TMEFF2: variants seen among roughly 807,000 people sequenced by gnomAD.
TMEFF2 encodes transmembrane protein with EGF like and two follistatin like domains 2, also known as tomoregulin-2.
Under a neutral mutation model 53.8 loss-of-function variants are expected in TMEFF2, and 28 were observed. That is an observed-to-expected ratio of 0.52 (90% CI 0.39 to 0.71). TMEFF2 has a LOEUF of 0.71. Among genes scored for constraint, TMEFF2 ranks in the 30% least tolerant of loss-of-function variants. TMEFF2 has a pLI of 0.00. For missense variants in TMEFF2, 353 were observed against 455.2 expected, an observed-to-expected ratio of 0.78 and a Z score of 2.04; for synonymous variants, 162 against 166.3, an observed-to-expected ratio of 0.97 and a Z score of 0.20.
intron 4 of TMEFF2, among the ~76,000 whole-genome samples, chr2:192,083,931 A>G (rs1016920961): frequency 1.3e-5 from 2 of 152,124 alleles, no homozygotes; most frequent in Admixed American, 1.3e-4. Flanking sequence ...AGCTTTTTCT[A>G]TACAAGTCAC....
intron 1 of TMEFF2, among the ~76,000 whole-genome samples, chr2:192,192,608 CA>C (rs1559166580): frequency 6.6e-6 from 1 of 152,186 alleles, no homozygotes; most frequent in Non-Finnish European, 1.5e-5. Flanking sequence ...AACCTATCTG[CA>C]AAACCAGTTT....
chr2:191,969,452 A>C (rs1203349445), intron 7 of TMEFF2, among the ~76,000 whole-genome samples: 1 of 152,186 alleles, frequency 6.6e-6, no homozygotes. Context: ...ACATTCCAGT[A>C]CAAAAAGACT....
At chr2:192,150,892 C>T (rs1347475498) in intron 4 of TMEFF2, among the ~76,000 whole-genome samples, 1 of 151,678 alleles carries the variant, frequency 6.6e-6, no homozygotes, top group African/African-American at 2.4e-5. Flanking sequence ...ATGAGTTTTT[C>T]TCCCTTAGAA....
intron 5 of TMEFF2, among the ~76,000 whole-genome samples, chr2:192,040,067 T>C (rs1430908003): frequency 6.6e-6 from 1 of 152,142 alleles, no homozygotes. Context: ...TCAAAGATAG[T>C]GTCATTTATT....
intron 4 of TMEFF2, among the ~76,000 whole-genome samples, chr2:192,150,279 G>C (rs115606405): frequency 1.3e-5 from 2 of 151,780 alleles, no homozygotes; most frequent in African/African-American, 4.8e-5. Flanking sequence ...TCAGGCTGAC[G>C]TTGACAAAAG....
chr2:191,950,846 A>C (rs1489029144), intron 9 of TMEFF2, among the ~76,000 whole-genome samples: 2 of 152,200 alleles, frequency 1.3e-5, no homozygotes, highest in African/African-American at 4.8e-5. Flanking sequence ...ACCAACTGTT[A>C]ATATCTGATA....
intron 7 of TMEFF2, among the ~76,000 whole-genome samples, chr2:191,973,852 T>C (rs1692724997): frequency 6.6e-6 from 1 of 152,026 alleles, no homozygotes; most frequent in Non-Finnish European, 1.5e-5. Context: ...TATAAGGTGT[T>C]TTTCCCCACC....
intron 4 of TMEFF2, among the ~76,000 whole-genome samples, chr2:192,103,531 A>G (rs1689080909): frequency 6.6e-6 from 1 of 152,082 alleles, no homozygotes; most frequent in Admixed American, 6.6e-5. Flanking sequence ...TAGCCTTCCT[A>G]CTTTATCTTG....
rs370967849 is a variant in TMEFF2, at chr2:191,978,459, T to TA, written c.745+19802dup. Reference sequence around the variant, plus strand: ...AAAATTGCCAAGCATTCAGCCCTATTAAAAAAAAAAAAGCAATTATATTGA... The same window carrying TA: ...AAAATTGCCAAGCATTCAGCCCTATTAAAAAAAAAAAAAGCAATTATATTGA... On this transcript the variant is annotated intron_variant, in intron 7 of 9. Coordinates refer to ENST00000272771, the MANE Select transcript of TMEFF2 (RefSeq NM_016192.4). Among the ~76,000 whole-genome samples, 886 of 143,086 alleles carry TA rather than the reference T, an allele frequency of 6.2e-3. 5 individuals are homozygous for TA. Among genetic ancestry groups the TA allele is most frequent in the African/African-American group, 0.02 (779 of 39,222 alleles). 93.9% of individuals were successfully genotyped at this position (143,086 alleles called of 152,430 possible).
At chr2:192,136,545 G>A (rs1368971467) in intron 4 of TMEFF2, among the ~76,000 whole-genome samples, 2 of 152,134 alleles carry the variant, frequency 1.3e-5, no homozygotes, top group Admixed American at 6.5e-5. Flanking sequence ...TAAATTGAGT[G>A]TATAGTAGTA....
At chr2:192,190,355 G>C (rs1691432652) in intron 2 of TMEFF2, among the ~76,000 whole-genome samples, 1 of 152,010 alleles carries the variant, frequency 6.6e-6, no homozygotes, top group Non-Finnish European at 1.5e-5. Flanking sequence ...AAATCACAAA[G>C]GGAAAGAAGG....
At chr2:192,104,420 C>T (rs1427589726) in intron 4 of TMEFF2, among the ~76,000 whole-genome samples, 20 of 152,010 alleles carry the variant, frequency 1.3e-4, no homozygotes, top group Non-Finnish European at 1.5e-5. Flanking sequence ...CTTTTAATGT[C>T]TCAAGACATA....
chr2:192,165,387 C>A (rs1434282050), intron 4 of TMEFF2, among the ~76,000 whole-genome samples: 1 of 152,084 alleles, frequency 6.6e-6, no homozygotes, highest in African/African-American at 2.4e-5. Context: ...TGAAGAGTTA[C>A]AGCAAGTACT....
At chr2:192,037,309 GAAAGAAAGA>G (rs1687333373) in intron 5 of TMEFF2, among the ~76,000 whole-genome samples, 1 of 146,070 alleles carries the variant, frequency 6.8e-6, no homozygotes, top group African/African-American at 2.6e-5. Flanking sequence ...AAGAAAGAAA[GAAAGAAAGA>G]AAGAAAGAAA....
At chr2:192,090,709 T>C (rs1478161849) in intron 4 of TMEFF2, among the ~76,000 whole-genome samples, 1 of 152,178 alleles carries the variant, frequency 6.6e-6, no homozygotes, top group African/African-American at 2.4e-5. Flanking sequence ...TAGGCATTTG[T>C]ATTCAAATTT....
chr2:192,070,079 A>C (rs1336594070), intron 4 of TMEFF2, among the ~76,000 whole-genome samples: 5 of 139,602 alleles, frequency 3.6e-5, no homozygotes, highest in Admixed American at 3.0e-4. Flanking sequence ...CTATTGGCCT[A>C]AACTATGAAG....
At chr2:192,162,089 G>C (rs1439464195) in intron 4 of TMEFF2, among the ~76,000 whole-genome samples, 2 of 152,176 alleles carry the variant, frequency 1.3e-5, no homozygotes, top group African/African-American at 4.8e-5. Context: ...AGCTAATCAT[G>C]ATCTTGATGC....
At chr2:192,028,068 G>C (rs1230457226) in intron 5 of TMEFF2, 3 of 149,588 alleles carry the variant, frequency 2.0e-5, no homozygotes, top group Admixed American at 6.7e-5. Flanking sequence ...GGGGGGGGGG[G>C]GGGTCTTTCT....
chr2:192,083,188 T>A (rs1218984364), intron 4 of TMEFF2, among the ~76,000 whole-genome samples: 2 of 152,120 alleles, frequency 1.3e-5, no homozygotes, highest in African/African-American at 4.8e-5. Flanking sequence ...GTAGGTAGTG[T>A]CCAGGGAGGA....
Sources: allele counts gnomAD v4.1 joint callset (sites outside exome capture counted in the v4.1 genomes callset), GRCh38; gene constraint gnomAD v4.1.1; transcripts MANE v1.5; gene names NCBI Gene and HGNC (gene_info 2026-07-23, HGNC 2026-07-21).